The following TCF7L2 variants were observed in gnomAD, a reference collection of about 807,000 sequenced individuals.
The protein encoded by TCF7L2 is transcription factor 7-like 2.
A neutral mutation model predicts 77.9 loss-of-function variants in TCF7L2; 23 were observed. The ratio of observed to expected loss-of-function variants is 0.30; its 90% CI spans 0.21 to 0.42. The LOEUF (loss-of-function observed/expected upper bound fraction) is 0.42. Among genes scored for constraint, TCF7L2 ranks in the 10% least tolerant of loss-of-function variants. TCF7L2 has a pLI of 1.00. For missense variants in TCF7L2, 654 were observed against 793.1 expected (o/e 0.82, Z 2.11); for synonymous variants, 413 against 340.2 (o/e 1.21, Z -2.36).
intron 5 of TCF7L2, among the ~76,000 whole-genome samples, chr10:113,075,660 G>T (rs1237133444): frequency 6.6e-6 from 1 of 152,178 alleles, no homozygotes. Context: ...TTCTCAAGCT[G>T]TGAAAGGTCT....
At chr10:113,092,679 C>A (rs993998190) in intron 5 of TCF7L2, among the ~76,000 whole-genome samples, 1 of 152,114 alleles carries the variant, frequency 6.6e-6, no homozygotes, top group African/African-American at 2.4e-5. Flanking sequence ...AGGAGTTCGA[C>A]ATGGTGAAAC....
intron 5 of TCF7L2, among the ~76,000 whole-genome samples, chr10:113,113,513 G>T (rs955948040): frequency 6.6e-6 from 1 of 152,096 alleles, no homozygotes; most frequent in African/African-American, 2.4e-5. Context: ...TGAAAGGGGG[G>T]TTCTGTGTTG....
At chr10:113,111,726 A>C (rs2136107597) in intron 5 of TCF7L2, among the ~76,000 whole-genome samples, 1 of 152,266 alleles carries the variant, frequency 6.6e-6, no homozygotes, top group East Asian at 1.9e-4. Context: ...CAGGAGGTGG[A>C]GGCTGTAATG....
chr10:113,035,515 C>T (rs370492466), intron 4 of TCF7L2, among the ~76,000 whole-genome samples: 5 of 152,290 alleles, frequency 3.3e-5, no homozygotes, highest in African/African-American at 1.2e-4. Flanking sequence ...TGCAGTGGTG[C>T]AATCACGGCT....
chr10:113,114,028 C>A (rs2136147392), intron 5 of TCF7L2, among the ~76,000 whole-genome samples: 1 of 152,204 alleles, frequency 6.6e-6, no homozygotes, highest in East Asian at 1.9e-4. Context: ...TAATAAGGCC[C>A]CCTCTAATCC....
At chr10:112,991,150 TG>T (rs150944858) in intron 4 of TCF7L2, among the ~76,000 whole-genome samples, 69 of 152,230 alleles carry the variant, frequency 4.5e-4, no homozygotes, top group African/African-American at 1.7e-3. Flanking sequence ...CTCTGGGAAC[TG>T]GGGAAGCTAA....
At chr10:113,048,344 C>T (rs2053817431) in intron 5 of TCF7L2, among the ~76,000 whole-genome samples, 1 of 152,192 alleles carries the variant, frequency 6.6e-6, no homozygotes, top group Admixed American at 6.5e-5. Flanking sequence ...GGGCATGTTT[C>T]TCCAACCAGA....
intron 4 of TCF7L2, among the ~76,000 whole-genome samples, chr10:112,966,865 A>G (rs2037045883): frequency 1.3e-5 from 2 of 152,200 alleles, no homozygotes; most frequent in South Asian, 4.1e-4. Flanking sequence ...AACAGGTAGT[A>G]TTGTTCTCTG....
intron 8 of TCF7L2, among the ~76,000 whole-genome samples, chr10:113,148,364 A>G (rs2069957164): frequency 6.6e-6 from 1 of 152,182 alleles, no homozygotes; most frequent in Non-Finnish European, 1.5e-5. Flanking sequence ...ATGTGGGTGC[A>G]CCGTGGCTCA....
At chr10:112,955,847 T>A (rs1436923075) in intron 3 of TCF7L2, among the ~76,000 whole-genome samples, 2 of 152,108 alleles carry the variant, frequency 1.3e-5, no homozygotes, top group Non-Finnish European at 2.9e-5. Flanking sequence ...TTGAAAAAAA[T>A]ATTTGCTTTA....
At position 112,988,831 on chromosome 10, in the gene TCF7L2, CTCTA is replaced by C. The variant is rs747293112; in HGVS notation, c.450+24211_450+24214del. Among the ~76,000 whole-genome samples the C allele has an allele frequency of 3.9e-5, 6 of 152,128 alleles. No homozygotes were observed. The East Asian group carries it at 7.7e-4, about 19-fold the overall frequency. On this transcript the variant is annotated intron_variant, in intron 4 of 13. Transcript: ENST00000627217. ...GAAAAAAGAATAGGTGTTTTTTGAG[CTCTA>C]TCTGCCAGTTTCTCTATATATGGAC...
At chr10:113,134,652 T>G (rs1381327937) in intron 5 of TCF7L2, among the ~76,000 whole-genome samples, 1 of 152,250 alleles carries the variant, frequency 6.6e-6, no homozygotes, top group Non-Finnish European at 1.5e-5. Flanking sequence ...TATTAACGTT[T>G]TAGCGGTTGC....
At chr10:112,980,830 A>G (rs1345773223) in intron 4 of TCF7L2, among the ~76,000 whole-genome samples, 13 of 151,890 alleles carry the variant, frequency 8.6e-5, no homozygotes, top group Admixed American at 8.5e-4. Context: ...GTTTCACAGT[A>G]TTAGCCAGGA....
At chr10:113,053,307 G>T (rs1437665042) in intron 5 of TCF7L2, among the ~76,000 whole-genome samples, 4 of 152,144 alleles carry the variant, frequency 2.6e-5, no homozygotes, top group Admixed American at 6.5e-5. Context: ...GCAGGGTTGG[G>T]CTTGGCTAAG....
intron 5 of TCF7L2, among the ~76,000 whole-genome samples, chr10:113,100,911 A>T (rs929481022): frequency 1.6e-4 from 24 of 152,176 alleles, no homozygotes; most frequent in African/African-American, 5.8e-4. Flanking sequence ...CCTCATTTCC[A>T]CTAAAAATAT....
intron 4 of TCF7L2, among the ~76,000 whole-genome samples, chr10:113,013,257 T>A (rs1469275295): frequency 6.6e-6 from 1 of 151,734 alleles, no homozygotes; most frequent in Non-Finnish European, 1.5e-5. Flanking sequence ...TAGCTGGGAC[T>A]ACAGGCGTGC....
intron 13 of TCF7L2, chr10:113,161,736 T>C (rs2073194115): frequency 2.1e-6 from 2 of 932,718 alleles, no homozygotes; most frequent in African/African-American, 1.6e-5. Context: ...ATTACGTGCA[T>C]GCCCACGAGT....
chr10:113,136,873 T>G (rs1564944812), intron 5 of TCF7L2, among the ~76,000 whole-genome samples: 1 of 152,172 alleles, frequency 6.6e-6, no homozygotes, highest in Non-Finnish European at 1.5e-5. Flanking sequence ...CTTAAAGACC[T>G]CGTTAGAGAA....
At chr10:113,126,481 C>T (rs574025484) in intron 5 of TCF7L2, among the ~76,000 whole-genome samples, 3 of 151,892 alleles carry the variant, frequency 2.0e-5, no homozygotes, top group African/African-American at 7.3e-5. Context: ...TTTGCTAAGT[C>T]GGCAAACAAA....
Sources: gnomAD v4.1 joint callset for allele counts (sites outside exome capture counted in the v4.1 genomes callset) on GRCh38, gnomAD v4.1.1 for gene constraint, MANE v1.5 for transcripts, NCBI Gene and HGNC (gene_info 2026-07-23, HGNC 2026-07-21) for gene names.